The following C21orf58 variants were observed in gnomAD, a reference collection of about 807,000 sequenced individuals.
C21orf58 encodes the protein chromosome 21 open reading frame 58.
C21orf58 carries 34 observed loss-of-function variants against 35.8 expected under a neutral mutation model. That is an observed-to-expected ratio of 0.95 (90% CI 0.72 to 1.26). The LOEUF (loss-of-function observed/expected upper bound fraction) is 1.26, where lower values mean the gene tolerates loss of function less well. Ranked by LOEUF, C21orf58 falls within the 50% of genes most tolerant of loss-of-function variation. C21orf58 has a pLI of 0.00. For synonymous variants in C21orf58, 191 were observed against 175.8 expected (o/e 1.09, Z -0.68); for missense variants, 440 against 414.3 (o/e 1.06, Z -0.54).
intron 6 of C21orf58, among the ~76,000 whole-genome samples, chr21:46,310,343 G>T (rs1441970034): frequency 6.6e-6 from 1 of 151,906 alleles, no homozygotes; most frequent in Non-Finnish European, 1.5e-5. Context: ...GCTGGGCATG[G>T]TGGTGGGCAC....
intron 2 of C21orf58, 51 bp downstream of exon 2, chr21:46,317,961 G>A (rs1223706336): frequency 9.4e-6 from 15 of 1,597,010 alleles, no homozygotes; most frequent in Admixed American, 1.7e-5. Context: ...TCCCTCCAAC[G>A]CCACAGCCTG....
chr21:46,300,702 G>C, downstream of C21orf58: 2 of 1,285,606 alleles, frequency 1.6e-6, no homozygotes, highest in Non-Finnish European at 2.0e-6. Flanking sequence ...CAACTCTCTG[G>C]TCATCCTGTC....
chr21:46,314,093 T>C (rs2146063886), intron 5 of C21orf58, among the ~76,000 whole-genome samples: 1 of 152,128 alleles, frequency 6.6e-6, no homozygotes, highest in East Asian at 1.9e-4. Flanking sequence ...ATTCTGCCCT[T>C]GACATTGGGG....
chr21:46,302,143 A>G lies in C21orf58; in HGVS notation c.825T>C (p.His275=), dbSNP rs2145883035. Residue 275 remains histidine, a synonymous_variant, in exon 8 of 8, where the codon CAT becomes CAC. Transcript: ENST00000291691. ...CAGCTCGTGGGACCCTCGGGGGCAC[A>G]TGTGGCGGGTCCTGCCACAGACGCA... ...ALPPALQDPP[H]VPPRVPRAAR... 1.3e-6 allele frequency: 2 copies of G among 1,496,962 alleles called. No homozygotes were observed. Among genetic ancestry groups the G allele is most frequent in the East Asian group, 2.5e-5 (1 of 39,322 alleles). 92.7% of individuals were successfully genotyped at this position (1,496,962 alleles called of 1,614,324 possible). A position where few individuals can be genotyped will look rare whatever the true frequency, so the allele number is the denominator to read the frequency against.
chr21:46,302,903 C>T (rs1396405034), intron 6 of C21orf58, among the ~76,000 whole-genome samples: 1 of 76,002 alleles, frequency 1.3e-5, no homozygotes, highest in Non-Finnish European at 2.5e-5. Flanking sequence ...CCCCGGGGCG[C>T]GCCCTGAGCC....
chr21:46,318,431 A>T, intron 1 of C21orf58: 1 of 1,423,878 alleles, frequency 7.0e-7, no homozygotes, highest in Non-Finnish European at 9.1e-7. Flanking sequence ...AAGGCAAAAA[A>T]GTGGGCAGCA....
intron 3 of C21orf58, among the ~76,000 whole-genome samples, chr21:46,316,082 G>A (rs1300190904): frequency 1.3e-5 from 2 of 152,012 alleles, no homozygotes; most frequent in Non-Finnish European, 1.5e-5. Context: ...CCAGGAGGTC[G>A]GGGGTGCAGT....
chr21:46,314,779 GC>G lies in C21orf58; in HGVS notation c.545del (p.Gly182AlafsTer40). The G allele has an allele frequency of 6.6e-7, 1 of 1,524,898 alleles. No homozygotes were observed. Among genetic ancestry groups the G allele is most frequent in the Non-Finnish European group, 8.9e-7 (1 of 1,129,934 alleles). 94.5% of individuals were successfully genotyped at this position (1,524,898 alleles called of 1,614,324 possible). On this transcript the variant is annotated frameshift_variant, in exon 5 of 8. Transcript: ENST00000291691. LOFTEE classifies it high-confidence loss of function. Reference protein sequence around the residue: ...SALPPELPPTGILPTASPSPL... With the variant: ...SALPPELPPTXILPTASPSPL... The stretch of plus-strand genomic sequence containing the variant: ...GGGATGGGGAGGCAGTGGGTAGGAT[GC>G]CCGTGGGGGGCAGCTCTGGGGGCAG...
chr21:46,320,512 C>CAAAA (rs34940024), intron 1 of C21orf58: 1 of 64,662 alleles, frequency 1.5e-5, no homozygotes, highest in African/African-American at 7.3e-5. Context: ...AACTCCACCT[C>CAAAA]AAAAAAAAAA....
Position 46,322,794 on chromosome 21 carries a change from T to C in C21orf58, c.-56A>G, listed in dbSNP as rs1399102037. The C allele has an allele frequency of 7.3e-6, 9 of 1,226,486 alleles. No homozygotes were observed. The highest frequency in any genetic ancestry group is 1.8e-5 in the South Asian group (1 of 54,886). The allele number at this position is 1,226,486 out of a possible 1,614,324, so 76.0% of individuals were successfully genotyped here. A position where few individuals can be genotyped will look rare whatever the true frequency, so the allele number is the denominator to read the frequency against. ...TGTCTCAAAAAAAGAAAAAAAATTC[T>C]GAGCGAGATTCCAGGGCTTCCTGAG... On this transcript the variant is annotated 5_prime_UTR_variant, in exon 1 of 8. Transcript: ENST00000291691.
rs1212389320 is a variant in C21orf58, at chr21:46,317,170, CT to C, written c.370+37del. 4.4e-6 allele frequency: 7 copies of C among 1,596,098 alleles called. No individual in the cohort carries two copies. The South Asian group carries it at 7.8e-5, about 18-fold the overall frequency. On this transcript the variant is annotated intron_variant, in intron 3 of 7. Transcript: ENST00000291691. The stretch of plus-strand genomic sequence containing the variant: ...CCCCCTGGAGTGGCTACACTTGCGT[CT>C]GTCTGTGCTGGTTCCAAGCAGCCCA...
At chr21:46,303,737 ATATATATATTTTTTTT>A (rs1235834320) in intron 6 of C21orf58, among the ~76,000 whole-genome samples, 2,377 of 30,150 alleles carry the variant, frequency 0.079, 103 homozygotes, top group African/African-American at 0.16. Flanking sequence ...ATATATATAT[ATATATATATTTTTTTT>A]TTTTTTTTTT....
At chr21:46,314,907 A>G in intron 4 of C21orf58, 27 bp from the exon 5 acceptor site, 1 of 1,550,368 alleles carries the variant, frequency 6.5e-7, no homozygotes, top group Non-Finnish European at 8.7e-7. Context: ...GAGCTGCTGC[A>G]CACGGGGACG....
chr21:46,314,357 T>A (rs1413399416), intron 5 of C21orf58, among the ~76,000 whole-genome samples: 1 of 152,186 alleles, frequency 6.6e-6, no homozygotes, highest in Non-Finnish European at 1.5e-5. Flanking sequence ...GGAGTAGAGA[T>A]GTGAGCCACC....
intron 6 of C21orf58, among the ~76,000 whole-genome samples, chr21:46,307,356 C>G (rs1415264886): frequency 6.6e-6 from 1 of 152,036 alleles, no homozygotes; most frequent in Non-Finnish European, 1.5e-5. Context: ...ATATGGCATA[C>G]AAGCATAGGC....
chr21:46,307,522 G>T (rs143496272), intron 6 of C21orf58, among the ~76,000 whole-genome samples: 1 of 152,052 alleles, frequency 6.6e-6, no homozygotes, highest in African/African-American at 2.4e-5. Context: ...TGGAAAAATC[G>T]ACAGGTAATA....
At chr21:46,310,823 A>C (rs908026463) in intron 6 of C21orf58, among the ~76,000 whole-genome samples, 3 of 151,294 alleles carry the variant, frequency 2.0e-5, no homozygotes, top group Non-Finnish European at 4.4e-5. Flanking sequence ...CTCTCTCTAA[A>C]TAAATAAATA....
chr21:46,304,521 T>C (rs1056210274), intron 6 of C21orf58, among the ~76,000 whole-genome samples: 22 of 148,782 alleles, frequency 1.5e-4, no homozygotes, highest in African/African-American at 4.9e-4. Flanking sequence ...CAAAAACAAA[T>C]GGCCAATAAA....
At position 46,308,552 on chromosome 21, in the gene C21orf58, G is replaced by A. The variant is rs530613830; in HGVS notation, c.721+2904C>T. Among the ~76,000 whole-genome samples, 12 of 152,314 alleles carry A rather than the reference G, an allele frequency of 7.9e-5. 1 individual carries two copies. In the East Asian group the frequency reaches 2.3e-3, roughly 29 times the overall value. Reference sequence around the variant, plus strand: ...GAAAGCATACATCCACAGAAAGACTGAGGCAGGAATGTCCACGACAGCTTT... The same window carrying A: ...GAAAGCATACATCCACAGAAAGACTAAGGCAGGAATGTCCACGACAGCTTT... On this transcript the variant is annotated intron_variant, in intron 6 of 7. Coordinates refer to ENST00000291691, the MANE Select transcript of C21orf58 (RefSeq NM_058180.5).
Sources: allele counts gnomAD v4.1 joint callset (sites outside exome capture counted in the v4.1 genomes callset), GRCh38; gene constraint gnomAD v4.1.1; transcripts MANE v1.5; gene names NCBI Gene and HGNC (gene_info 2026-07-23, HGNC 2026-07-21).